The following PRR11 variants were observed in gnomAD, a reference collection of about 807,000 sequenced individuals.
PRR11 encodes proline-rich protein 11.
A neutral mutation model predicts 45.6 loss-of-function variants in PRR11; 30 were observed. That is an observed-to-expected ratio of 0.66 (90% CI 0.49 to 0.89). The LOEUF (loss-of-function observed/expected upper bound fraction) is 0.89. Ranked by LOEUF, PRR11 falls within the 40% of genes least tolerant of loss-of-function variation. The pLI is 0.00. For synonymous variants in PRR11, 128 were observed against 153.5 expected (o/e 0.83, Z 1.23); for missense variants, 373 against 424.8 (o/e 0.88, Z 1.07).
At chr17:59,178,480 G>T (rs2046761789) in intron 2 of PRR11, 3 of 520,704 alleles carry the variant, frequency 5.8e-6, no homozygotes, top group Non-Finnish European at 1.1e-5. Context: ...TACCTTGTCT[G>T]ACAACCTCAA....
In PRR11 at chr17:59,192,489, C is replaced by CTGGGT. The variant is rs143111201; in HGVS notation, c.403-1002_403-998dup. Among the ~76,000 whole-genome samples, 1,514 of 152,336 alleles carry CTGGGT rather than the reference C, an allele frequency of 9.9e-3. 20 individuals are homozygous for CTGGGT. Among genetic ancestry groups the CTGGGT allele is most frequent in the South Asian group, 0.026 (128 of 4,832 alleles). On this transcript the variant is annotated intron_variant, in intron 4 of 9. Coordinates refer to ENST00000262293, the MANE Select transcript of PRR11 (RefSeq NM_018304.4). Reference sequence around the variant, plus strand: ...AGCTGCCATAACAAAATACCACAGGCTGGGTGGCTTATACAACAGAAATTT... The same window carrying CTGGGT: ...AGCTGCCATAACAAAATACCACAGGCTGGGTTGGGTGGCTTATACAACAGAAATTT...
intron 2 of PRR11, among the ~76,000 whole-genome samples, chr17:59,170,527 A>G (rs1002608485): frequency 2.0e-5 from 3 of 151,720 alleles, no homozygotes; most frequent in African/African-American, 7.3e-5. Context: ...TCTGTCTCCA[A>G]AACAAACAAA....
At chr17:59,162,012 G>A (rs7223905) in intron 1 of PRR11, among the ~76,000 whole-genome samples, 1 of 151,996 alleles carries the variant, frequency 6.6e-6, no homozygotes, top group East Asian at 1.9e-4. Context: ...TTCTTGTTTT[G>A]ACTGAGGTAG....
At chr17:59,177,601 G>T (rs1356755663) in intron 2 of PRR11, among the ~76,000 whole-genome samples, 1 of 152,164 alleles carries the variant, frequency 6.6e-6, no homozygotes, top group Non-Finnish European at 1.5e-5. Flanking sequence ...GAGCTTCAGG[G>T]CTGCGGCCTG....
At chr17:59,179,688 C>T (rs987881690) in intron 2 of PRR11, 8 of 1,452,238 alleles carry the variant, frequency 5.5e-6, no homozygotes, top group South Asian at 4.5e-5. Context: ...TCAGGGAGCA[C>T]GGGTGACACT....
At chr17:59,176,956 C>T (rs184627360) in intron 2 of PRR11, among the ~76,000 whole-genome samples, 148 of 152,162 alleles carry the variant, frequency 9.7e-4, no homozygotes, top group African/African-American at 3.4e-3. Flanking sequence ...CTCGGCCTCC[C>T]GAAGTGCTGG....
intron 2 of PRR11, among the ~76,000 whole-genome samples, chr17:59,180,594 CT>C (rs2046779312): frequency 6.7e-6 from 1 of 149,378 alleles, no homozygotes; most frequent in South Asian, 2.1e-4. Context: ...CAACCTCTGC[CT>C]CCCGGGTTCT....
At chr17:59,163,818 G>C (rs1287022252) in intron 1 of PRR11, among the ~76,000 whole-genome samples, 3 of 152,174 alleles carry the variant, frequency 2.0e-5, no homozygotes, top group Admixed American at 6.5e-5. Context: ...TGTAATCCCA[G>C]CACTTTGGGA....
chr17:59,159,972 A>G (rs569198692), intron 1 of PRR11, among the ~76,000 whole-genome samples: 49 of 152,286 alleles, frequency 3.2e-4, no homozygotes, highest in Non-Finnish European at 4.9e-4. Flanking sequence ...TCCCCACTGT[A>G]AACTCTTGGA....
chr17:59,178,254 A>G (rs1480345075), intron 2 of PRR11, among the ~76,000 whole-genome samples: 1 of 152,156 alleles, frequency 6.6e-6, no homozygotes, highest in East Asian at 1.9e-4. Flanking sequence ...GAATGCCTTG[A>G]ACCCAGGAGG....
intron 2 of PRR11, among the ~76,000 whole-genome samples, chr17:59,170,236 G>A (rs2046700983): frequency 6.6e-6 from 1 of 151,408 alleles, no homozygotes; most frequent in South Asian, 2.1e-4. Context: ...TGGGCAACAA[G>A]AGCGAGACTC....
At chr17:59,197,254 A>AT (rs35057236) in intron 7 of PRR11, among the ~76,000 whole-genome samples, 38,947 of 145,346 alleles carry the variant, frequency 0.27, 5,439 homozygotes, top group Middle Eastern at 0.42. Flanking sequence ...GCAAGTTCTA[A>AT]TTTTTTTTTT....
chr17:59,199,382 G>A (rs1488082872), intron 9 of PRR11, among the ~76,000 whole-genome samples: 1 of 152,164 alleles, frequency 6.6e-6, no homozygotes, highest in Admixed American at 6.5e-5. Flanking sequence ...ACACAGAGAG[G>A]GAGCCCAATG....
chr17:59,180,861 G>A (rs1235537843), intron 2 of PRR11, among the ~76,000 whole-genome samples: 3 of 151,470 alleles, frequency 2.0e-5, no homozygotes, highest in Admixed American at 6.6e-5. Flanking sequence ...GAGTGCAGTC[G>A]TGCAGTCATA....
chr17:59,169,062 T>C (rs2046693377), intron 1 of PRR11, among the ~76,000 whole-genome samples: 1 of 151,734 alleles, frequency 6.6e-6, no homozygotes, highest in East Asian at 1.9e-4. Flanking sequence ...CAGTGGATGC[T>C]CAGTAGATGC....
intron 1 of PRR11, among the ~76,000 whole-genome samples, chr17:59,167,015 T>A (rs558792089): frequency 6.6e-6 from 1 of 152,038 alleles, no homozygotes; most frequent in Non-Finnish European, 1.5e-5. Context: ...TACAAAAAAT[T>A]AGCCAGGCGT....
intron 2 of PRR11, among the ~76,000 whole-genome samples, chr17:59,174,666 A>G (rs1376135464): frequency 6.6e-6 from 1 of 152,074 alleles, no homozygotes; most frequent in Admixed American, 6.6e-5. Context: ...GGATCAAGCA[A>G]TTGGGTTCCT....
At chr17:59,174,964 C>T in intron 2 of PRR11, 1 of 868,114 alleles carries the variant, frequency 1.2e-6, no homozygotes, top group South Asian at 1.4e-5. Context: ...CCTACCTCCT[C>T]CAACTACTCC....
At chr17:59,194,304 C>A (rs1366234887) in intron 5 of PRR11, among the ~76,000 whole-genome samples, 3 of 149,520 alleles carry the variant, frequency 2.0e-5, no homozygotes, top group South Asian at 2.1e-4. Flanking sequence ...CACACACACA[C>A]AAAACAAAAC....
Sources: gnomAD v4.1 joint callset for allele counts (sites outside exome capture counted in the v4.1 genomes callset) on GRCh38, gnomAD v4.1.1 for gene constraint, MANE v1.5 for transcripts, NCBI Gene and HGNC (gene_info 2026-07-23, HGNC 2026-07-21) for gene names.